The following SEC22C variants were observed in gnomAD, a reference collection of about 807,000 sequenced individuals.
SEC22C encodes SEC22 homolog C, vesicle trafficking protein, also known as vesicle-trafficking protein SEC22c.
Under a neutral mutation model 34.7 loss-of-function variants are expected in SEC22C, and 29 were observed. The observed-to-expected ratio is 0.84, with a 90% CI of 0.62 to 1.14. The LOEUF is 1.14. SEC22C is among the 50% of genes most tolerant of loss of function. The pLI is 0.00. For synonymous variants in SEC22C, 117 were observed against 132.8 expected, an observed-to-expected ratio of 0.88 and a Z score of 0.82; for missense variants, 337 against 369.0, an observed-to-expected ratio of 0.91 and a Z score of 0.71.
intron 6 of SEC22C, among the ~76,000 whole-genome samples, chr3:42,554,150 A>G (rs371187364): frequency 1.3e-5 from 2 of 152,078 alleles, no homozygotes; most frequent in Admixed American, 1.3e-4. Flanking sequence ...CAAAGGTTCA[A>G]TCTACAGAGG....
chr3:42,600,940 G>A (rs1449286555), intron 1 of SEC22C: 1 of 924,832 alleles, frequency 1.1e-6, no homozygotes, highest in Non-Finnish European at 1.5e-6. Flanking sequence ...CCTCGCCCCC[G>A]CCCTCGCCCC....
At chr3:42,581,139 T>C (rs554548275) in intron 1 of SEC22C, among the ~76,000 whole-genome samples, 12 of 152,368 alleles carry the variant, frequency 7.9e-5, no homozygotes, top group African/African-American at 2.6e-4. Context: ...GTTGCTTCCA[T>C]TTTTCATTTT....
At chr3:42,566,479 A>T (rs1166690669) in intron 2 of SEC22C, among the ~76,000 whole-genome samples, 1 of 152,080 alleles carries the variant, frequency 6.6e-6, no homozygotes, top group Admixed American at 6.5e-5. Flanking sequence ...GCTCGAGACC[A>T]TCCTGGCTAA....
chr3:42,558,178 G>C (rs1702649805), intron 4 of SEC22C, among the ~76,000 whole-genome samples: 1 of 152,124 alleles, frequency 6.6e-6, no homozygotes, highest in Admixed American at 6.5e-5. Context: ...TGTCAATAGG[G>C]ATCAGGCTGA....
chr3:42,572,552 C>T (rs1703709208), intron 1 of SEC22C, among the ~76,000 whole-genome samples: 1 of 152,186 alleles, frequency 6.6e-6, no homozygotes, highest in Non-Finnish European at 1.5e-5. Flanking sequence ...CTCTCCCAGG[C>T]AATGATGAGC....
intron 1 of SEC22C, among the ~76,000 whole-genome samples, chr3:42,593,144 G>A (rs779089049): frequency 2.8e-4 from 42 of 152,302 alleles, no homozygotes; most frequent in Non-Finnish European, 2.6e-4. Flanking sequence ...GCTCATCCCT[G>A]TAATCCCAGT....
intron 2 of SEC22C, chr3:42,565,892 A>G (rs75644663): frequency 0.039 from 17,923 of 455,584 alleles, 630 homozygotes; most frequent in East Asian, 0.12. Context: ...ACCTGTAAGA[A>G]AAGAAAGTCT....
upstream of SEC22C, among the ~76,000 whole-genome samples, chr3:42,587,021 A>G (rs1704635473): frequency 2.0e-5 from 3 of 152,130 alleles, no homozygotes; most frequent in South Asian, 6.2e-4. Flanking sequence ...CTTGATCACT[A>G]AGGCCTGCCA....
chr3:42,589,644 G>A (rs760390875), intron 1 of SEC22C, among the ~76,000 whole-genome samples: 1 of 152,214 alleles, frequency 6.6e-6, no homozygotes, highest in Non-Finnish European at 1.5e-5. Context: ...TCTCACAGGA[G>A]CGTGAACCCT....
At chr3:42,580,510 G>A (rs1460916462) in intron 1 of SEC22C, 3 of 152,206 alleles carry the variant, frequency 2.0e-5, no homozygotes, top group African/African-American at 7.2e-5. Context: ...AAGTTGCTTG[G>A]GGATGGAGTG....
chr3:42,576,494 T>C lies in SEC22C; in HGVS notation c.-28+5352A>G, dbSNP rs937023811. Among the ~76,000 whole-genome samples the C allele has an allele frequency of 1.2e-4, 18 of 152,104 alleles. 1 individual carries two copies. Among genetic ancestry groups the C allele is most frequent in the Admixed American group, 6.5e-4 (10 of 15,272 alleles). On this transcript the variant is annotated intron_variant, in intron 1 of 6. Transcript: ENST00000264454. ...GAACATATAGAAACCAAAATTTAAA[T>C]ACCATTTATAATCACTCTAAAAAAT...
At chr3:42,570,657 G>C (rs966275943) in intron 1 of SEC22C, among the ~76,000 whole-genome samples, 4 of 152,128 alleles carry the variant, frequency 2.6e-5, no homozygotes, top group Non-Finnish European at 5.9e-5. Flanking sequence ...GCAGGACCAG[G>C]TCAACTGCCA....
chr3:42,591,875 C>T (rs1012797222), intron 1 of SEC22C, among the ~76,000 whole-genome samples: 4 of 152,120 alleles, frequency 2.6e-5, no homozygotes, highest in African/African-American at 9.7e-5. Context: ...CTGATGACAA[C>T]AGGGATGGGG....
chr3:42,567,485 G>A (rs1446676969), intron 2 of SEC22C, among the ~76,000 whole-genome samples: 1 of 151,964 alleles, frequency 6.6e-6, no homozygotes, highest in Non-Finnish European at 1.5e-5. Context: ...ACTTAGTTAA[G>A]TTTTTTTTAC....
intron 4 of SEC22C, 128 bp downstream of exon 4, chr3:42,560,989 T>C: frequency 6.5e-6 from 6 of 918,922 alleles, no homozygotes; most frequent in Non-Finnish European, 6.5e-6. Context: ...TGGGCCCATA[T>C]TTTTCTCAGC....
chr3:42,568,707 T>C (rs563868220), intron 2 of SEC22C, among the ~76,000 whole-genome samples, 158 bp downstream of exon 2: 1 of 151,960 alleles, frequency 6.6e-6, no homozygotes, highest in Admixed American at 6.5e-5. Flanking sequence ...GAAAACCCAT[T>C]TCTTTTATGA....
rs903032733 is a variant in SEC22C, at chr3:42,551,646, A to G, written c.*1602T>C. ...AGCCATCATGCCTGGCCCATATCCA[A>G]ATATTTTATGTTTGGTCAAAAATAG... On this transcript the variant is annotated 3_prime_UTR_variant, in exon 7 of 7. Transcript: ENST00000264454. 6.3e-6 allele frequency: 6 copies of G among 956,606 alleles called. No homozygotes were observed. Among genetic ancestry groups the G allele is most frequent in the South Asian group, 4.8e-5 (1 of 20,676 alleles). 59.3% of individuals were successfully genotyped at this position (956,606 alleles called of 1,614,324 possible).
rs1236683303 is a variant in SEC22C at position 42,548,336 on chromosome 3, T to C, written c.*4912A>G. The C allele has an allele frequency of 1.9e-5, 8 of 417,044 alleles. No individual in the cohort carries two copies. Among genetic ancestry groups the C allele is most frequent in the African/African-American group, 1.6e-4 (8 of 51,180 alleles). The allele number at this position is 417,044 out of a possible 1,614,324, so 25.8% of individuals were successfully genotyped here. The stretch of plus-strand genomic sequence containing the variant: ...CACTTCTGAAGCAACCCCAGAATCA[T>C]ATAAATGTAAGGGTTAAAGGTCATA... On this transcript the variant is annotated 3_prime_UTR_variant, in exon 7 of 7. Coordinates refer to ENST00000264454, the MANE Select transcript of SEC22C (RefSeq NM_032970.4).
At chr3:42,593,759 G>C (rs565225880) in intron 1 of SEC22C, among the ~76,000 whole-genome samples, 1 of 152,330 alleles carries the variant, frequency 6.6e-6, no homozygotes, top group African/African-American at 2.4e-5. Context: ...TAAGTGGGGG[G>C]AGGAGTGCTA....
Sources: allele counts gnomAD v4.1 joint callset (sites outside exome capture counted in the v4.1 genomes callset), GRCh38; gene constraint gnomAD v4.1.1; transcripts MANE v1.5; gene names NCBI Gene and HGNC (gene_info 2026-07-23, HGNC 2026-07-21).